LMTK3: variants seen among roughly 807,000 people sequenced by gnomAD.
LMTK3 encodes the protein lemur tail kinase 3.
A neutral mutation model predicts 116.7 loss-of-function variants in LMTK3; 27 were observed. The ratio of observed to expected loss-of-function variants is 0.23; its 90% CI spans 0.17 to 0.32. LMTK3 has a LOEUF of 0.32. Ranked by LOEUF, LMTK3 falls within the 10% of genes least tolerant of loss-of-function variation. The pLI is 1.00. For missense variants in LMTK3, 1,764 were observed against 2,068.5 expected (o/e 0.85, Z 2.86); for synonymous variants, 965 against 971.0 (o/e 0.99, Z 0.11).
intron 1 of LMTK3, 129 bp from the exon 2 acceptor site, chr19:48,510,721 A>T: frequency 2.6e-6 from 3 of 1,133,636 alleles, no homozygotes; most frequent in Non-Finnish European, 3.6e-6. Flanking sequence ...CCCTTGGCAG[A>T]GGTGCAGAGT....
Position 48,498,694 on chromosome 19 carries a change from T to TC in LMTK3, c.2374dup (p.Asp792GlyfsTer748). ...AGGGGTCTCGGTCTCGTAGCCGCTG[T>TC]CCCCCGGCTTGGGGCCCGGCGACGA... is the stretch of plus-strand genomic sequence containing the variant. On this transcript the variant is annotated frameshift_variant, in exon 11 of 15. Transcript: ENST00000600059. LOFTEE classifies it high-confidence loss of function. 1 of 1,526,322 alleles carries TC rather than the reference T, an allele frequency of 6.6e-7. No individual in the cohort carries two copies. The allele number at this position is 1,526,322 out of a possible 1,614,324, so 94.5% of individuals were successfully genotyped here.
chr19:48,501,256 TCGGCCCCCG>T lies in LMTK3; in HGVS notation c.1001+18_1001+26del. 6.2e-7 allele frequency: 1 copy of T among 1,611,536 alleles called. No homozygotes were observed. Among genetic ancestry groups the T allele is most frequent in the Non-Finnish European group, 8.5e-7 (1 of 1,178,348 alleles). On this transcript the variant is annotated intron_variant, in intron 9 of 14. Transcript: ENST00000600059. ...AACCCTTCCACCTTCCTGGCCTGCC[TCGGCCCCCG>T]CGGCCCGTGGTCCTCACCAGATGTT...
rs1453903848 is a variant in LMTK3 at position 48,493,743 on chromosome 19, C to T, written c.4043G>A (p.Arg1348His). The T allele has an allele frequency of 1.3e-6, 2 of 1,572,642 alleles. No homozygotes were observed. Among genetic ancestry groups the T allele is most frequent in the South Asian group, 2.3e-5 (2 of 85,544 alleles). The change falls in exon 12 of 15, where the codon CGC (arginine) becomes CAC (histidine). Residue 1348 changes from arginine to histidine, a missense_variant. Arg to His is a conservative substitution (Grantham distance 29). Around this residue, in one of 7 missense-constraint regions of LMTK3, gnomAD observed 281 missense variants for 301.4 expected, o/e 0.93. Coordinates refer to ENST00000600059, the MANE Select transcript of LMTK3 (RefSeq NM_001388485.1). The part of the protein sequence containing the change: ...EPEDSELERK[R>H]KMVSFHGDVT... ...GTCCCCGTGGAAGGAGACCATCTTG[C>T]GCTTCCTCTCCAGCTCGCTGTCCTC... is the stretch of plus-strand genomic sequence containing the variant.
intron 14 of LMTK3, among the ~76,000 whole-genome samples, 166 bp from the exon 15 acceptor site, chr19:48,485,955 C>T (rs1024513864): frequency 2.6e-5 from 4 of 152,088 alleles, no homozygotes; most frequent in Non-Finnish European, 4.4e-5. Context: ...CTGCTCCAGC[C>T]ACTGGGCCTC....
chr19:48,485,691 G>A lies in LMTK3; in HGVS notation c.*82C>T, dbSNP rs973972775. The A allele has an allele frequency of 9.5e-6, 14 of 1,477,226 alleles. No homozygotes were observed. The African/African-American group carries it at 1.4e-4, about 15-fold the overall frequency. The allele number at this position is 1,477,226 out of a possible 1,614,324, so 91.5% of individuals were successfully genotyped here. A position where few individuals can be genotyped will look rare whatever the true frequency, so the allele number is the denominator to read the frequency against. ...CTCCCCAGAGGCGGCGTCTGCGGTG[G>A]TGGCAGTGGCGCCGTCATCCACAGA... is the stretch of plus-strand genomic sequence containing the variant. On this transcript the variant is annotated 3_prime_UTR_variant, in exon 15 of 15. Coordinates refer to ENST00000600059, the MANE Select transcript of LMTK3 (RefSeq NM_001388485.1).
intron 11 of LMTK3, among the ~76,000 whole-genome samples, chr19:48,496,190 A>G (rs1972319306): frequency 6.6e-6 from 1 of 152,156 alleles, no homozygotes; most frequent in African/African-American, 2.4e-5. Context: ...GCTCACTGCA[A>G]TCTCTGACTC....
intron 1 of LMTK3, 106 bp from the exon 2 acceptor site, chr19:48,510,698 C>G: frequency 2.3e-6 from 3 of 1,301,266 alleles, no homozygotes; most frequent in Non-Finnish European, 3.1e-6. Flanking sequence ...CCGTGATGCT[C>G]TGCGACCAGG....
At position 48,490,524 on chromosome 19, in the gene LMTK3, C is replaced by CAAAA. The variant is rs397860073; in HGVS notation, c.4366+580_4366+583dup. On this transcript the variant is annotated intron_variant, in intron 14 of 14. Transcript: ENST00000600059. ...TGGGCGACAGAGCGAGACTCCGTCT[C>CAAAA]AAAAAAAAAAAAAAAAAAAAAAAAA... Among the ~76,000 whole-genome samples, 334 of 48,052 alleles carry CAAAA rather than the reference C, an allele frequency of 7.0e-3. 22 individuals carry two copies. The highest frequency in any genetic ancestry group is 0.023 in the African/African-American group (302 of 13,004). 31.5% of individuals were successfully genotyped at this position (48,052 alleles called of 152,430 possible). A position where few individuals can be genotyped will look rare whatever the true frequency, so the allele number is the denominator to read the frequency against.
rs1053657866 is a variant in LMTK3 at position 48,485,506 on chromosome 19, C to T, written c.*267G>A. 6.1e-6 allele frequency: 3 copies of T among 494,676 alleles called. No homozygotes were observed. The highest frequency in any genetic ancestry group is 4.2e-5 in the South Asian group (2 of 47,074). The allele number at this position is 494,676 out of a possible 1,614,324, so 30.6% of individuals were successfully genotyped here. A position where few individuals can be genotyped will look rare whatever the true frequency, so the allele number is the denominator to read the frequency against. On this transcript the variant is annotated 3_prime_UTR_variant, in exon 15 of 15. Coordinates refer to ENST00000600059, the MANE Select transcript of LMTK3 (RefSeq NM_001388485.1). ...GAGTTCAGTTCAGTTCCGAGAAAGG[C>T]GGCTCTCTATGGAGGGGCGGGGGGA...
In LMTK3 at chr19:48,511,582, C is replaced by T. The variant is rs1343115829; in HGVS notation, c.-6G>A. ...AGGGCGCCGGGGGCAGGCATCTTGT[C>T]GAGGATGGCAGGGAGGTGGAGGTGG... On this transcript the variant is annotated 5_prime_UTR_variant, in exon 1 of 15. Transcript: ENST00000600059. The T allele has an allele frequency of 1.6e-6, 2 of 1,267,896 alleles. No individual in the cohort carries two copies. The highest frequency in any genetic ancestry group is 3.8e-5 in the South Asian group (2 of 52,956). The allele number at this position is 1,267,896 out of a possible 1,614,324, so 78.5% of individuals were successfully genotyped here.
At position 48,486,327 on chromosome 19, in the gene LMTK3, G is replaced by A. The variant is rs1972124921; in HGVS notation, c.4367-538C>T. On this transcript the variant is annotated intron_variant, in intron 14 of 14. Coordinates refer to ENST00000600059, the MANE Select transcript of LMTK3 (RefSeq NM_001388485.1). Reference sequence around the variant, plus strand: ...ACCCGCCTCGGCCTCCCAAAGTGCTGGGATTACAGGCGTGAGCCACCGCGC... The same window carrying A: ...ACCCGCCTCGGCCTCCCAAAGTGCTAGGATTACAGGCGTGAGCCACCGCGC... 5.3e-5 allele frequency among the ~76,000 whole-genome samples: 8 copies of A among 149,856 alleles called. No homozygotes were observed. The South Asian group carries it at 1.1e-3, about 20-fold the overall frequency.
Position 48,501,387 on chromosome 19 carries a change from G to T in LMTK3, c.897C>A (p.Thr299=), listed in dbSNP as rs1038457451. 7 of 1,612,890 alleles carry T rather than the reference G, an allele frequency of 4.3e-6. No individual in the cohort carries two copies. The highest frequency in any genetic ancestry group is 3.3e-5 in the Admixed American group (2 of 59,956). ...GCAGTGGGATCCACAGGCGCTCTGG[G>T]GTCAGGTAGTAGTCCTCCTGAGGGA... ...HSNYKEDYYL[T]PERLWIPLRW... is the part of the protein sequence containing the mutation. The change falls in exon 9 of 15, where the codon ACC becomes ACA. Residue 299 remains threonine, a synonymous_variant. Coordinates refer to ENST00000600059, the MANE Select transcript of LMTK3 (RefSeq NM_001388485.1).
At position 48,505,081 on chromosome 19, in the gene LMTK3, TTC is replaced by T. The variant is rs59270444; in HGVS notation, c.558-2087_558-2086del. Reference sequence around the variant, plus strand: ...ATGGTATTTGTCATTCTCTGACAGTTTCTCTCTCTCTCTCTCTCTCTCTTTTT... The same window carrying T: ...ATGGTATTTGTCATTCTCTGACAGTTTCTCTCTCTCTCTCTCTCTCTTTTT... On this transcript the variant is annotated intron_variant, in intron 5 of 14. Transcript: ENST00000600059. 2.9e-3 allele frequency among the ~76,000 whole-genome samples: 390 copies of T among 135,658 alleles called. 7 individuals are homozygous for T. The highest frequency in any genetic ancestry group is 0.012 in the African/African-American group (351 of 29,770). The allele number at this position is 135,658 out of a possible 152,430, so 89.0% of individuals were successfully genotyped here.
chr19:48,498,004 C>G lies in LMTK3; in HGVS notation c.3065G>C (p.Gly1022Ala), dbSNP rs1289820134. Reference sequence around the variant, plus strand: ...CCAGGGCCCTGGGGCTCTCCAAGGCCCAGTCTCTGGTGGCCTCTCCGTGTT... The same window carrying G: ...CCAGGGCCCTGGGGCTCTCCAAGGCGCAGTCTCTGGTGGCCTCTCCGTGTT... The part of the protein sequence containing the change: ...PRNTERPPET[G>A]PWRAPGPWEK... The change falls in exon 11 of 15, where the codon GGG becomes GCG. Residue 1022 changes from glycine to alanine, a missense_variant. Coordinates refer to ENST00000600059, the MANE Select transcript of LMTK3 (RefSeq NM_001388485.1). 6.2e-6 allele frequency: 10 copies of G among 1,612,190 alleles called. No individual in the cohort carries two copies. The East Asian group carries it at 2.2e-4, about 36-fold the overall frequency.
intron 12 of LMTK3, among the ~76,000 whole-genome samples, chr19:48,492,819 C>CT (rs1489533347): frequency 6.6e-6 from 1 of 152,126 alleles, no homozygotes; most frequent in Non-Finnish European, 1.5e-5. Context: ...GACCCACACT[C>CT]TCTCTCCAGA....
In LMTK3 at chr19:48,491,673, C is replaced by T; in HGVS notation, c.4093-134G>A. ...CCCAATTTGTAATCACTGACTCGCA[C>T]GCTCTGGAGAGGTGGCTGGAGCCCC... On this transcript the variant is annotated intron_variant, in intron 12 of 14. Coordinates refer to ENST00000600059, the MANE Select transcript of LMTK3 (RefSeq NM_001388485.1). This position sits in a 1 kb window ranked among gnomAD's most constrained non-coding sequence, Gnocchi z 5.1. 1.2e-6 allele frequency: 1 copy of T among 838,868 alleles called. No individual in the cohort carries two copies. The highest frequency in any genetic ancestry group is 1.8e-5 in the African/African-American group (1 of 56,406). 52.0% of individuals were successfully genotyped at this position (838,868 alleles called of 1,614,324 possible).
At chr19:48,506,228 C>A (rs1972567198) in intron 5 of LMTK3, among the ~76,000 whole-genome samples, 1 of 151,156 alleles carries the variant, frequency 6.6e-6, no homozygotes, top group Non-Finnish European at 1.5e-5. Context: ...ATCACTTGAG[C>A]CCAGGAGCTC....
At position 48,491,080 on chromosome 19, in the gene LMTK3, G is replaced by T. The variant is rs746796446; in HGVS notation, c.4366+28C>A. ...ACATAGGGGGACAGAGATGGGCAGA[G>T]GAGGGGGCAGGGCCGAGGATATGGT... On this transcript the variant is annotated intron_variant, in intron 14 of 14. Transcript: ENST00000600059. This position sits in a 1 kb window ranked among gnomAD's most constrained non-coding sequence, Gnocchi z 5.1. 1.5e-6 allele frequency: 2 copies of T among 1,327,372 alleles called. No homozygotes were observed. Among genetic ancestry groups the T allele is most frequent in the Admixed American group, 7.5e-5 (2 of 26,752 alleles). 82.2% of individuals were successfully genotyped at this position (1,327,372 alleles called of 1,614,324 possible).
At position 48,491,393 on chromosome 19, in the gene LMTK3, C is replaced by A; in HGVS notation, c.4228+11G>T. The A allele has an allele frequency of 7.5e-7, 1 of 1,326,354 alleles. No homozygotes were observed. Among genetic ancestry groups the A allele is most frequent in the Non-Finnish European group, 9.7e-7 (1 of 1,033,472 alleles). The allele number at this position is 1,326,354 out of a possible 1,614,324, so 82.2% of individuals were successfully genotyped here. A position where few individuals can be genotyped will look rare whatever the true frequency, so the allele number is the denominator to read the frequency against. On this transcript the variant is annotated intron_variant, in intron 13 of 14. Transcript: ENST00000600059. This position sits in a 1 kb window ranked among gnomAD's most constrained non-coding sequence, Gnocchi z 5.1. ...TCCCGCCCCCTCCCGCCCCATAGGG[C>A]CCGTCCTCACCAAAGCCGCTGTCGT...
Sources: gnomAD v4.1 joint callset for allele counts (sites outside exome capture counted in the v4.1 genomes callset) on GRCh38, gnomAD v4.1.1 for gene constraint, gnomAD v4.1.1 regional missense constraint, Gnocchi (gnomAD v3.1) non-coding constraint, MANE v1.5 for transcripts, NCBI Gene and HGNC (gene_info 2026-07-23, HGNC 2026-07-21) for gene names.